The following TCEANC2 variants were observed in gnomAD, a reference collection of about 807,000 sequenced individuals.
The protein encoded by TCEANC2 is transcription elongation factor A N-terminal and central domain-containing protein 2.
A neutral mutation model predicts 22.8 loss-of-function variants in TCEANC2; 20 were observed. That is an observed-to-expected ratio of 0.88 (90% CI 0.62 to 1.28). The LOEUF (loss-of-function observed/expected upper bound fraction) is 1.28, where lower values mean the gene tolerates loss of function less well. Ranked by LOEUF, TCEANC2 falls within the 50% of genes most tolerant of loss-of-function variation. TCEANC2 has a pLI of 0.00. For synonymous variants in TCEANC2, 84 were observed against 95.5 expected, an observed-to-expected ratio of 0.88 and a Z score of 0.70; for missense variants, 251 against 249.7, an observed-to-expected ratio of 1.01 and a Z score of -0.03.
At chr1:54,064,768 C>T (rs571785534) in intron 2 of TCEANC2, among the ~76,000 whole-genome samples, 3 of 142,610 alleles carry the variant, frequency 2.1e-5, no homozygotes, top group South Asian at 2.2e-4. Flanking sequence ...GGTGCGATCT[C>T]GGCTCACTGC....
chr1:54,091,296 A>C (rs149702134), intron 4 of TCEANC2, among the ~76,000 whole-genome samples: 98 of 152,332 alleles, frequency 6.4e-4, no homozygotes, highest in African/African-American at 2.3e-3. Context: ...ATATTTCCAT[A>C]TTAGAGCAAA....
At position 54,096,914 on chromosome 1, in the gene TCEANC2, C is replaced by T. The variant is rs1223490349; in HGVS notation, c.*441C>T. ...CCCTGAGTTTAGATAGCTCTGGTGC[C>T]TCTCAGAACTCCCCTGTCTGTTCTC... On this transcript the variant is annotated 3_prime_UTR_variant, in exon 5 of 5. Coordinates refer to ENST00000234827, the MANE Select transcript of TCEANC2 (RefSeq NM_153035.3). This position sits in a 1 kb window ranked among gnomAD's most constrained non-coding sequence, Gnocchi z 4.9. 17 of 987,768 alleles carry T rather than the reference C, an allele frequency of 1.7e-5. No individual in the cohort carries two copies. Among genetic ancestry groups the T allele is most frequent in the Non-Finnish European group, 2.0e-5 (17 of 831,290 alleles). The allele number at this position is 987,768 out of a possible 1,614,324, so 61.2% of individuals were successfully genotyped here. A position where few individuals can be genotyped will look rare whatever the true frequency, so the allele number is the denominator to read the frequency against.
intron 2 of TCEANC2, among the ~76,000 whole-genome samples, chr1:54,067,446 C>T (rs887489811): frequency 6.6e-6 from 1 of 152,196 alleles, no homozygotes; most frequent in Non-Finnish European, 1.5e-5. Context: ...GCAAAAGTAA[C>T]CTATACGAGA....
intron 2 of TCEANC2, among the ~76,000 whole-genome samples, chr1:54,067,739 CT>C (rs1241299679): frequency 6.6e-6 from 1 of 152,116 alleles, no homozygotes; most frequent in African/African-American, 2.4e-5. Context: ...TTTGTTGTTG[CT>C]TTTATCAAAC....
chr1:54,084,020 GTT>G (rs34774545), intron 3 of TCEANC2, among the ~76,000 whole-genome samples: 4 of 146,620 alleles, frequency 2.7e-5, no homozygotes, highest in Admixed American at 6.8e-5. Flanking sequence ...GTTTTGTCGG[GTT>G]TTTTTTTTTT....
chr1:54,058,677 C>G lies in TCEANC2; in HGVS notation c.102+4153C>G, dbSNP rs555378978. ...TTTGTTTGTTTGCTTGTTTGTTTGA[C>G]ATGAAGTCTCACTCTGTTGCCCAAG... On this transcript the variant is annotated intron_variant, in intron 2 of 4. Transcript: ENST00000234827. Among the ~76,000 whole-genome samples, 166 of 152,226 alleles carry G rather than the reference C, an allele frequency of 1.1e-3. 1 individual carries two copies. The highest frequency in any genetic ancestry group is 3.9e-3 in the African/African-American group (162 of 41,548).
At chr1:54,087,670 A>G (rs1658365633) in intron 3 of TCEANC2, among the ~76,000 whole-genome samples, 1 of 152,188 alleles carries the variant, frequency 6.6e-6, no homozygotes, top group African/African-American at 2.4e-5. Context: ...TGGGATTTGA[A>G]TCACACGTCG....
intron 3 of TCEANC2, among the ~76,000 whole-genome samples, chr1:54,077,770 G>C (rs1658169295): frequency 6.6e-6 from 1 of 152,098 alleles, no homozygotes; most frequent in African/African-American, 2.4e-5. Flanking sequence ...TGACAACGTT[G>C]AACAAGTTTT....
chr1:54,074,332 G>A (rs547607634), intron 3 of TCEANC2, among the ~76,000 whole-genome samples: 53 of 152,072 alleles, frequency 3.5e-4, no homozygotes, highest in African/African-American at 1.2e-3. Flanking sequence ...GCATGGTGGC[G>A]GACGCCTGTA....
intron 4 of TCEANC2, among the ~76,000 whole-genome samples, chr1:54,092,992 G>A (rs938604595): frequency 6.6e-6 from 1 of 152,172 alleles, no homozygotes; most frequent in East Asian, 1.9e-4. Flanking sequence ...GAACAGAAAG[G>A]ATATTGGAGG....
intron 3 of TCEANC2, among the ~76,000 whole-genome samples, chr1:54,073,650 G>A (rs1658097094): frequency 1.3e-5 from 2 of 152,128 alleles, no homozygotes; most frequent in African/African-American, 4.8e-5. Context: ...AAAGATAGTA[G>A]GATTATTATT....
At chr1:54,088,115 A>G (rs1658373900) in intron 3 of TCEANC2, among the ~76,000 whole-genome samples, 1 of 152,178 alleles carries the variant, frequency 6.6e-6, no homozygotes, top group South Asian at 2.1e-4. Flanking sequence ...GACTCATTGA[A>G]TGAGTTCATC....
chr1:54,084,562 G>A (rs942182016), intron 3 of TCEANC2, among the ~76,000 whole-genome samples: 3 of 151,988 alleles, frequency 2.0e-5, no homozygotes, highest in Admixed American at 6.6e-5. Context: ...GTAAATGCCC[G>A]GTAAAAGTGT....
At chr1:54,071,442 G>C (rs1038148760) in intron 3 of TCEANC2, among the ~76,000 whole-genome samples, 2 of 152,144 alleles carry the variant, frequency 1.3e-5, no homozygotes, top group African/African-American at 4.8e-5. Flanking sequence ...GGAGGCCTCA[G>C]TTTCTCATCA....
At position 54,103,662 on chromosome 1, in the gene TCEANC2, C is replaced by T. The variant is rs1658699164; in HGVS notation, c.*7189C>T. The T allele has an allele frequency of 6.6e-6, 1 of 152,202 alleles. No homozygotes were observed. Among genetic ancestry groups the T allele is most frequent in the Non-Finnish European group, 1.5e-5 (1 of 68,052 alleles). The allele number at this position is 152,202 out of a possible 1,614,324, so 9.4% of individuals were successfully genotyped here. A position where few individuals can be genotyped will look rare whatever the true frequency, so the allele number is the denominator to read the frequency against. ...CTATTGCTGCTGCTGAGTGTTCGGC[C>T]TGCCAGTAACAGAGACCAACTCTGA... On this transcript the variant is annotated 3_prime_UTR_variant, in exon 5 of 5. Transcript: ENST00000234827.
chr1:54,095,555 G>A (rs1658528672), intron 4 of TCEANC2, among the ~76,000 whole-genome samples: 1 of 152,208 alleles, frequency 6.6e-6, no homozygotes, highest in African/African-American at 2.4e-5. Context: ...GGGACCTCAA[G>A]ATGGCTTGGG....
downstream of TCEANC2, among the ~76,000 whole-genome samples, chr1:54,106,323 A>C (rs1023257034): frequency 6.6e-6 from 1 of 152,262 alleles, no homozygotes; most frequent in Admixed American, 6.5e-5. Context: ...GTATAACAGC[A>C]CTATCTAATA....
chr1:54,072,757 A>T (rs1658081898), intron 3 of TCEANC2, among the ~76,000 whole-genome samples: 1 of 151,172 alleles, frequency 6.6e-6, no homozygotes. Context: ...TTTTTTATAA[A>T]TTTTTTTTTG....
chr1:54,063,564 C>G (rs146409774), intron 2 of TCEANC2, among the ~76,000 whole-genome samples: 1 of 152,272 alleles, frequency 6.6e-6, no homozygotes, highest in African/African-American at 2.4e-5. Context: ...AATCTGAAAT[C>G]AGAATGTCAC....
Sources: gnomAD v4.1 joint callset for allele counts (sites outside exome capture counted in the v4.1 genomes callset) on GRCh38, gnomAD v4.1.1 for gene constraint, Gnocchi (gnomAD v3.1) non-coding constraint, MANE v1.5 for transcripts, NCBI Gene and HGNC (gene_info 2026-07-23, HGNC 2026-07-21) for gene names.